The following TGFB2 variants were observed in gnomAD, a reference collection of about 807,000 sequenced individuals.
TGFB2 encodes the protein transforming growth factor beta 2.
In TGFB2, 13 loss-of-function variants were observed where a neutral mutation model predicts 42.7. The observed-to-expected ratio is 0.30, with a 90% CI of 0.20 to 0.48. The LOEUF is 0.48. TGFB2 is among the 20% of genes least tolerant of loss of function. The probability of loss-of-function intolerance (pLI) is 0.99; values close to 1 mark genes in which losing one functional copy is unlikely to be tolerated. For synonymous variants in TGFB2, 193 were observed against 193.6 expected (o/e 1.00, Z 0.03); for missense variants, 390 against 517.5 (o/e 0.75, Z 2.39).
intron 1 of TGFB2, among the ~76,000 whole-genome samples, chr1:218,370,249 G>T (rs1338677971): frequency 6.6e-6 from 1 of 152,212 alleles, no homozygotes; most frequent in Non-Finnish European, 1.5e-5. Flanking sequence ...CCTCTTGAAA[G>T]ATGGCCTTTG....
At chr1:218,407,693 G>C (rs956051059) in intron 2 of TGFB2, among the ~76,000 whole-genome samples, 1 of 152,144 alleles carries the variant, frequency 6.6e-6, no homozygotes, top group Non-Finnish European at 1.5e-5. Flanking sequence ...AAATCCCAGA[G>C]AAATTAAGTA....
At chr1:218,383,754 G>A (rs558139200) in intron 1 of TGFB2, among the ~76,000 whole-genome samples, 7 of 152,324 alleles carry the variant, frequency 4.6e-5, no homozygotes, top group East Asian at 1.9e-4. Context: ...GTCAGGTTTC[G>A]ATGGGTTACA....
intron 1 of TGFB2, among the ~76,000 whole-genome samples, chr1:218,355,280 G>T (rs1368318740): frequency 6.6e-6 from 1 of 152,150 alleles, no homozygotes; most frequent in Non-Finnish European, 1.5e-5. Flanking sequence ...CTATTTCAGA[G>T]AATTAATTTA....
chr1:218,405,511 T>G, intron 2 of TGFB2, 179 bp downstream of exon 2: 1 of 1,054,748 alleles, frequency 9.5e-7, no homozygotes. Context: ...ACTGCAGGAG[T>G]GCACCATCAC....
Position 218,346,367 on chromosome 1 carries a change from A to C in TGFB2, c.-335A>C. The C allele has an allele frequency of 4.6e-6, 1 of 217,304 alleles. No homozygotes were observed. The highest frequency in any genetic ancestry group is 9.0e-6 in the Non-Finnish European group (1 of 111,694). The allele number at this position is 217,304 out of a possible 1,614,324, so 13.5% of individuals were successfully genotyped here. A position where few individuals can be genotyped will look rare whatever the true frequency, so the allele number is the denominator to read the frequency against. ...CACTGAACTCCACTTCCTCCTCTTA[A>C]ATTTATTTCTACTTAATAGCCACTC... On this transcript the variant is annotated 5_prime_UTR_variant, in exon 1 of 7. Coordinates refer to ENST00000366930, the MANE Select transcript of TGFB2 (RefSeq NM_003238.6). The surrounding 1 kb of genome is among the most constrained non-coding windows in gnomAD (Gnocchi z 4.9).
intron 2 of TGFB2, among the ~76,000 whole-genome samples, chr1:218,429,545 G>A (rs1477719009): frequency 6.6e-6 from 1 of 152,142 alleles, no homozygotes; most frequent in East Asian, 1.9e-4. Context: ...GAGTAATGCT[G>A]CTATGAACAT....
At chr1:218,410,138 G>A (rs192386125) in intron 2 of TGFB2, among the ~76,000 whole-genome samples, 2 of 152,208 alleles carry the variant, frequency 1.3e-5, no homozygotes, top group Non-Finnish European at 2.9e-5. Flanking sequence ...TTCAGATTTG[G>A]ATCTTCCAAT....
chr1:218,425,424 G>T (rs1452448390), intron 2 of TGFB2, among the ~76,000 whole-genome samples: 5 of 151,970 alleles, frequency 3.3e-5, no homozygotes, highest in African/African-American at 9.7e-5. Flanking sequence ...AGCCAGGATG[G>T]TCTTGATCTC....
In TGFB2 at chr1:218,443,711, T is replaced by G. The variant is rs1571909879; in HGVS notation, c.*2349T>G. ...CTATTTTAAGATCTCTTGAATCTGT[T>G]TTTTTTTTTTTTAATTTGGGGGTTC... On this transcript the variant is annotated 3_prime_UTR_variant, in exon 7 of 7. Coordinates refer to ENST00000366930, the MANE Select transcript of TGFB2 (RefSeq NM_003238.6). 1.7e-5 allele frequency: 1 copy of G among 57,872 alleles called. No individual in the cohort carries two copies. The highest frequency in any genetic ancestry group is 3.0e-5 in the Non-Finnish European group (1 of 33,290). The allele number at this position is 57,872 out of a possible 1,614,324, so 3.6% of individuals were successfully genotyped here.
chr1:218,361,171 A>T lies in TGFB2; in HGVS notation c.346+14124A>T, dbSNP rs555663644. 1.2e-4 allele frequency among the ~76,000 whole-genome samples: 19 copies of T among 152,280 alleles called. No individual in the cohort carries two copies. The East Asian group carries it at 2.9e-3, about 23-fold the overall frequency. ...CCCGGCCTGAAAACTGATTATTTTA[A>T]AACTAAGGTTTGCTTTCTGTAGACT... is the stretch of plus-strand genomic sequence containing the variant. On this transcript the variant is annotated intron_variant, in intron 1 of 6. Transcript: ENST00000366930.
intron 1 of TGFB2, among the ~76,000 whole-genome samples, chr1:218,394,081 T>C (rs1486348645): frequency 6.6e-6 from 1 of 152,068 alleles, no homozygotes; most frequent in Non-Finnish European, 1.5e-5. Context: ...TAATTTTTTT[T>C]TGTATTTTTA....
rs936696604 is a variant in TGFB2, at chr1:218,394,131, G to C, written c.347-11038G>C. 6.6e-5 allele frequency among the ~76,000 whole-genome samples: 10 copies of C among 152,112 alleles called. No homozygotes were observed. In the South Asian group the frequency reaches 1.7e-3, roughly 25 times the overall value. ...TCACTGCGTTAGCCAGGATGGTCTC[G>C]ATCTCCTGACCTCGTGATCCGCCCG... is the stretch of plus-strand genomic sequence containing the variant. On this transcript the variant is annotated intron_variant, in intron 1 of 6. Transcript: ENST00000366930.
At chr1:218,402,849 C>A (rs1316072729) in intron 1 of TGFB2, among the ~76,000 whole-genome samples, 1 of 152,230 alleles carries the variant, frequency 6.6e-6, no homozygotes, top group Non-Finnish European at 1.5e-5. Context: ...AATGCAGCAT[C>A]AGCCTGTGGA....
At chr1:218,379,666 G>C (rs1046338967) in intron 1 of TGFB2, among the ~76,000 whole-genome samples, 1 of 152,066 alleles carries the variant, frequency 6.6e-6, no homozygotes, top group African/African-American at 2.4e-5. Flanking sequence ...GAAGCCAGTT[G>C]AAAACAGTGT....
At chr1:218,424,030 C>T (rs1446945469) in intron 2 of TGFB2, among the ~76,000 whole-genome samples, 1 of 152,206 alleles carries the variant, frequency 6.6e-6, no homozygotes, top group Non-Finnish European at 1.5e-5. Flanking sequence ...CTCTAAGGGA[C>T]CACTGAGTAA....
chr1:218,425,569 C>G (rs1252947615), intron 2 of TGFB2, among the ~76,000 whole-genome samples: 1 of 152,082 alleles, frequency 6.6e-6, no homozygotes, highest in Non-Finnish European at 1.5e-5. Context: ...CACAAGATTT[C>G]TGTGAAGGGC....
At chr1:218,358,450 A>G (rs1181558218) in intron 1 of TGFB2, among the ~76,000 whole-genome samples, 1 of 151,088 alleles carries the variant, frequency 6.6e-6, no homozygotes, top group Non-Finnish European at 1.5e-5. Flanking sequence ...TTATTCCCCT[A>G]TCTATTGGCT....
chr1:218,379,262 A>G (rs889664285), intron 1 of TGFB2, among the ~76,000 whole-genome samples: 14 of 151,390 alleles, frequency 9.2e-5, no homozygotes, highest in Non-Finnish European at 1.8e-4. Context: ...CCTCCTGAGT[A>G]GCTGGGACTA....
Position 218,436,049 on chromosome 1 carries a change from C to T in TGFB2, c.834C>T (p.Thr278=), listed in dbSNP as rs1659961429. 6.2e-7 allele frequency: 1 copy of T among 1,613,910 alleles called. No homozygotes were observed. Among genetic ancestry groups the T allele is most frequent in the African/African-American group, 1.3e-5 (1 of 74,900 alleles). ...KSTRKKNSGK[T]PHLLLMLLPS... ...CTAGGAAAAAAAACAGTGGGAAGAC[C>T]CCACATCTCCTGCTAATGTTATTGC... Residue 278 remains threonine (T), a synonymous_variant, in exon 5 of 7, where the codon ACC becomes ACT. Transcript: ENST00000366930.
Sources: gnomAD v4.1 joint callset for allele counts (sites outside exome capture counted in the v4.1 genomes callset) on GRCh38, gnomAD v4.1.1 for gene constraint, Gnocchi (gnomAD v3.1) non-coding constraint, MANE v1.5 for transcripts, NCBI Gene and HGNC (gene_info 2026-07-23, HGNC 2026-07-21) for gene names.